The following HSPA8 variants were observed in gnomAD, a reference collection of about 807,000 sequenced individuals.
HSPA8 encodes heat shock cognate 71 kDa protein.
Under a neutral mutation model 52.8 loss-of-function variants are expected in HSPA8, and 2 were observed. That is an observed-to-expected ratio of 0.04 (90% CI 0.02 to 0.12). The LOEUF is 0.12. HSPA8 is among the 10% of genes least tolerant of loss of function. HSPA8 has a pLI of 1.00. For synonymous variants in HSPA8, 436 were observed against 274.0 expected (o/e 1.59, Z -5.84); for missense variants, 349 against 800.5 (o/e 0.44, Z 6.81).
rs745475251 is a variant in HSPA8, at chr11:123,058,358, T to G, written c.1649A>C (p.Lys550Thr). ...NSLESYAFNM[K>T]ATVEDEKLQG... The stretch of plus-strand genomic sequence containing the variant: ...AAGTTTCTCATCTTCAACAGTTGCT[T>G]TCATGTTGAAGGCATAGGACTCAAG... The change falls in exon 8 of 9, where the codon AAA becomes ACA. Residue 550 changes from lysine (K) to threonine (T), a missense_variant. Transcript: ENST00000534624. The G allele has an allele frequency of 6.2e-7, 1 of 1,613,216 alleles. No homozygotes were observed. Among genetic ancestry groups the G allele is most frequent in the African/African-American group, 1.3e-5 (1 of 74,916 alleles).
chr11:123,059,828 C>T lies in HSPA8; in HGVS notation c.765G>A (p.Glu255=). ...FKRKHKKDIS[E]NKRAVRRLRT... is the part of the protein sequence containing the mutation. ...GGAGGCGTCTTACAGCTCTCTTGTT[C>T]TCACTGATGTCCTTCTTATGCTTGC... The change falls in exon 5 of 9, where the codon GAG becomes GAA. Residue 255 remains glutamate, a synonymous_variant. Coordinates refer to ENST00000534624, the MANE Select transcript of HSPA8 (RefSeq NM_006597.6). The T allele has an allele frequency of 6.2e-7, 1 of 1,613,650 alleles. No homozygotes were observed. Among genetic ancestry groups the T allele is most frequent in the Middle Eastern group, 1.7e-4 (1 of 5,896 alleles).
intron 8 of HSPA8, 123 bp from the exon 9 acceptor site, chr11:123,058,042 TAA>T: frequency 1.3e-6 from 1 of 787,576 alleles, no homozygotes; most frequent in Non-Finnish European, 2.0e-6. Flanking sequence ...CTACCAACAT[TAA>T]AATAGGGCCT....
At chr11:123,058,593 C>T in intron 7 of HSPA8, 39 bp downstream of exon 7, 1 of 1,586,804 alleles carries the variant, frequency 6.3e-7, no homozygotes, top group Non-Finnish European at 8.7e-7. Flanking sequence ...ATTGAAATAC[C>T]ATTATCCCTG....
At chr11:123,058,026 G>C in intron 8 of HSPA8, 107 bp from the exon 9 acceptor site, 1 of 878,232 alleles carries the variant, frequency 1.1e-6, no homozygotes, top group South Asian at 1.7e-5. Flanking sequence ...TCTTACAAGA[G>C]GGCCACTACC....
At chr11:123,059,392 A>C (rs764411708) in intron 5 of HSPA8, 81 bp downstream of exon 5, 7 of 1,403,140 alleles carry the variant, frequency 5.0e-6, no homozygotes, top group South Asian at 1.3e-5. Flanking sequence ...GGTGGAAACT[A>C]CGAATGTTTA....
chr11:123,058,010 G>T, intron 8 of HSPA8, 91 bp from the exon 9 acceptor site: 1 of 1,070,734 alleles, frequency 9.3e-7, no homozygotes, highest in Non-Finnish European at 1.4e-6. Flanking sequence ...AAAGTCTGGC[G>T]CAAACTCTTA....
chr11:123,058,905 A>G (rs1865399652), intron 6 of HSPA8, 75 bp from the exon 7 acceptor site: 8 of 1,472,154 alleles, frequency 5.4e-6, no homozygotes, highest in Non-Finnish European at 7.6e-6. Context: ...CTAAGGAAGA[A>G]TGGTCGCTCA....
intron 8 of HSPA8, 26 bp from the exon 9 acceptor site, chr11:123,057,945 G>GC: frequency 1.9e-6 from 3 of 1,542,380 alleles, no homozygotes; most frequent in Non-Finnish European, 1.8e-6. Context: ...AGGAATTACT[G>GC]CAAGTTCTTT....
rs767599975 is a variant in HSPA8, at chr11:123,058,498, TAACTC to T, written c.1523-19_1523-15del. ...TGCTCAAACGGCCTAGGAAAGAAAT[TAACTC>T]TAAGTAAAAGCCTTAAATTACCTGT... On this transcript the variant is annotated splice_polypyrimidine_tract_variant and intron_variant, in intron 7 of 8. Coordinates refer to ENST00000534624, the MANE Select transcript of HSPA8 (RefSeq NM_006597.6). 1.9e-6 allele frequency: 3 copies of T among 1,609,898 alleles called. No individual in the cohort carries two copies. Among genetic ancestry groups the T allele is most frequent in the Non-Finnish European group, 2.6e-6 (3 of 1,176,416 alleles).
intron 2 of HSPA8, 141 bp downstream of exon 2, chr11:123,060,979 A>C (rs2135446869): frequency 3.3e-6 from 3 of 912,286 alleles, no homozygotes; most frequent in Non-Finnish European, 5.1e-6. Context: ...AGGTTTCTAC[A>C]ACCTGTTTTA....
At chr11:123,060,292 G>A (rs186268241) in intron 3 of HSPA8, 24 bp from the exon 4 acceptor site, 6 of 1,608,234 alleles carry the variant, frequency 3.7e-6, no homozygotes, top group East Asian at 4.5e-5. Flanking sequence ...AAAGACCACA[G>A]ATTGGTAACT....
Position 123,059,763 on chromosome 11 carries a change from C to A in HSPA8, c.830G>T (p.Ser277Ile). The change falls in exon 5 of 9, where the codon AGC becomes ATC. Residue 277 changes from serine (S) to isoleucine (I), a missense_variant. Ser to Ile is a moderately radical substitution (Grantham distance 142). Transcript: ENST00000534624. ...CERAKRTLSS[S>I]TQASIEIDSL... ...ATCGATCTCAATACTGGCCTGGGTG[C>A]TGGAAGAGAGGGTACGCTTAGCACG... 6.2e-7 allele frequency: 1 copy of A among 1,613,842 alleles called. No individual in the cohort carries two copies. The highest frequency in any genetic ancestry group is 8.5e-7 in the Non-Finnish European group (1 of 1,179,858).
rs1422778003 is a variant in HSPA8 at position 123,060,128 on chromosome 11, G to A, written c.552C>T (p.Gly184=). ...AAATGGTACATACCTTTTTGTCTAA[G>A]CCGTAAGCAATAGCAGCAGCAGTTG... ...NEPTAAAIAY[G]LDKKVGAERN... The change falls in exon 4 of 9, where the codon GGC becomes GGT. Residue 184 remains glycine (G), a synonymous_variant. Transcript: ENST00000534624. The A allele has an allele frequency of 1.7e-5, 28 of 1,613,888 alleles. No individual in the cohort carries two copies. The highest frequency in any genetic ancestry group is 2.1e-5 in the Non-Finnish European group (25 of 1,180,012).
At chr11:123,059,409 A>G (rs781053435) in intron 5 of HSPA8, 64 bp downstream of exon 5, 1 of 1,441,434 alleles carries the variant, frequency 6.9e-7, no homozygotes, top group East Asian at 2.3e-5. Flanking sequence ...TTTAACAATC[A>G]CTCATCACAG....
At chr11:123,057,955 T>C (rs1057023759) in intron 8 of HSPA8, 36 bp from the exon 9 acceptor site, 4 of 1,499,630 alleles carry the variant, frequency 2.7e-6, no homozygotes, top group Non-Finnish European at 3.6e-6. Context: ...GCAAGTTCTT[T>C]TAATGTTAAT....
chr11:123,058,429 T>C lies in HSPA8; in HGVS notation c.1578A>G (p.Lys526=), dbSNP rs1591435966. 6.2e-7 allele frequency: 1 copy of C among 1,614,154 alleles called. No individual in the cohort carries two copies. The highest frequency in any genetic ancestry group is 8.5e-7 in the Non-Finnish European group (1 of 1,180,038). ...ERMVQEAEKY[K]AEDEKQRDKV... ...TGTCCCTCTGCTTCTCATCTTCAGC[T>C]TTGTACTTCTCAGCTTCCTGGACCA... Residue 526 remains lysine (K), a synonymous_variant, in exon 8 of 9, where the codon AAA becomes AAG. Transcript: ENST00000534624.
chr11:123,057,970 C>CT, intron 8 of HSPA8, 51 bp from the exon 9 acceptor site: 1 of 1,396,462 alleles, frequency 7.2e-7, no homozygotes, highest in Non-Finnish European at 9.8e-7. Flanking sequence ...GTTAATAACC[C>CT]TTCTTTCTCC....
At chr11:123,058,013 A>C (rs1183180399) in intron 8 of HSPA8, 94 bp from the exon 9 acceptor site, 15 of 1,037,460 alleles carry the variant, frequency 1.4e-5, no homozygotes, top group Non-Finnish European at 2.0e-5. Context: ...GTCTGGCGCA[A>C]ACTCTTACAA....
chr11:123,059,448 G>T (rs754159085), intron 5 of HSPA8, 25 bp downstream of exon 5: 1 of 1,589,352 alleles, frequency 6.3e-7, no homozygotes, highest in South Asian at 1.1e-5. Flanking sequence ...CCTGCCTTTA[G>T]GGTTAATTGA....
Sources: allele counts gnomAD v4.1 joint callset, GRCh38; gene constraint gnomAD v4.1.1; transcripts MANE v1.5; gene names NCBI Gene and HGNC (gene_info 2026-07-23, HGNC 2026-07-21).